GNAL: variants seen among roughly 807,000 people sequenced by gnomAD.
GNAL encodes G protein subunit alpha L.
GNAL carries 18 observed loss-of-function variants against 55.1 expected under a neutral mutation model. The observed-to-expected ratio is 0.33, with a 90% CI of 0.23 to 0.48. The LOEUF (loss-of-function observed/expected upper bound fraction) is 0.48, where lower values mean the gene tolerates loss of function less well. Among genes scored for constraint, GNAL ranks in the 20% least tolerant of loss-of-function variants. The probability of loss-of-function intolerance (pLI) is 0.99; values close to 1 mark genes in which losing one functional copy is unlikely to be tolerated. For synonymous variants in GNAL, 253 were observed against 237.0 expected (o/e 1.07, Z -0.62); for missense variants, 412 against 614.1 (o/e 0.67, Z 3.48).
chr18:11,783,702 C>T (rs1292393667), intron 4 of GNAL, among the ~76,000 whole-genome samples: 1 of 152,148 alleles, frequency 6.6e-6, no homozygotes, highest in South Asian at 2.1e-4. Context: ...TATTTTAACG[C>T]TATACAAATA....
In GNAL at chr18:11,774,641, T is replaced by G. The variant is rs190771970; in HGVS notation, c.624+20696T>G. The stretch of plus-strand genomic sequence containing the variant: ...CAGAAGCCCAGAGAACATAATTGAC[T>G]TGCCCCGAGTCATAGAGCTGGGTAG... On this transcript the variant is annotated intron_variant, in intron 4 of 11. Transcript: ENST00000334049. 2.0e-5 allele frequency among the ~76,000 whole-genome samples: 3 copies of G among 152,286 alleles called. No individual in the cohort carries two copies. In the East Asian group the frequency reaches 5.8e-4, roughly 29 times the overall value.
chr18:11,711,208 G>A (rs563956868), intron 1 of GNAL, among the ~76,000 whole-genome samples: 23 of 152,168 alleles, frequency 1.5e-4, no homozygotes, highest in Admixed American at 9.8e-4. Flanking sequence ...TATCCTGTTC[G>A]TGATTCATTG....
At chr18:11,797,212 G>A (rs1418624719) in intron 4 of GNAL, among the ~76,000 whole-genome samples, 2 of 152,172 alleles carry the variant, frequency 1.3e-5, no homozygotes, top group African/African-American at 2.4e-5. Context: ...GATTACAGGC[G>A]TGAGCCACCG....
chr18:11,831,353 A>G (rs796657963), intron 5 of GNAL, among the ~76,000 whole-genome samples: 5 of 152,108 alleles, frequency 3.3e-5, no homozygotes, highest in African/African-American at 1.2e-4. Context: ...AGGTCAGAAT[A>G]TGTGTTTATA....
At chr18:11,694,748 A>C (rs2143290749) in intron 1 of GNAL, among the ~76,000 whole-genome samples, 1 of 152,298 alleles carries the variant, frequency 6.6e-6, no homozygotes, top group South Asian at 2.1e-4. Flanking sequence ...ACCTACCAAA[A>C]CACAACAGGC....
chr18:11,738,862 G>A (rs2032513775), intron 1 of GNAL, among the ~76,000 whole-genome samples: 1 of 152,186 alleles, frequency 6.6e-6, no homozygotes, highest in South Asian at 2.1e-4. Flanking sequence ...AGGATGAGGA[G>A]GATGTGCAGG....
chr18:11,780,347 A>G (rs758377665), intron 4 of GNAL, among the ~76,000 whole-genome samples: 1 of 151,634 alleles, frequency 6.6e-6, no homozygotes, highest in East Asian at 1.9e-4. Context: ...GCAAATATCC[A>G]AGTTTGTTTT....
At chr18:11,700,031 T>C (rs1220161919) in intron 1 of GNAL, among the ~76,000 whole-genome samples, 4 of 152,212 alleles carry the variant, frequency 2.6e-5, no homozygotes, top group Non-Finnish European at 5.9e-5. Flanking sequence ...CTTCTTGTTT[T>C]AGTCACTTAC....
At chr18:11,846,233 C>G (rs73944920) in intron 5 of GNAL, among the ~76,000 whole-genome samples, 1 of 151,758 alleles carries the variant, frequency 6.6e-6, no homozygotes, top group Non-Finnish European at 1.5e-5. Context: ...ATGCCAACTT[C>G]GACTAACATG....
chr18:11,884,705 A>T lies in GNAL; in HGVS notation c.*3570A>T. On this transcript the variant is annotated 3_prime_UTR_variant, in exon 12 of 12. Coordinates refer to ENST00000334049, the MANE Select transcript of GNAL (RefSeq NM_182978.4). The stretch of plus-strand genomic sequence containing the variant: ...CCGCAGTCTTAGAAACAGCAGAGGG[A>T]AGACTGCCTTCTCAGGTCCCCCTCA... The T allele has an allele frequency of 2.7e-6, 4 of 1,474,616 alleles. No homozygotes were observed. The highest frequency in any genetic ancestry group is 3.7e-6 in the Non-Finnish European group (4 of 1,071,822). The allele number at this position is 1,474,616 out of a possible 1,614,324, so 91.3% of individuals were successfully genotyped here. A position where few individuals can be genotyped will look rare whatever the true frequency, so the allele number is the denominator to read the frequency against.
chr18:11,866,253 A>G (rs976627040), intron 7 of GNAL, among the ~76,000 whole-genome samples: 1 of 150,358 alleles, frequency 6.7e-6, no homozygotes, highest in Admixed American at 6.6e-5. Context: ...ATTTTCATCA[A>G]GTATCTCAGC....
intron 4 of GNAL, among the ~76,000 whole-genome samples, chr18:11,817,672 C>G (rs1281575420): frequency 6.6e-6 from 1 of 152,060 alleles, no homozygotes; most frequent in Non-Finnish European, 1.5e-5. Context: ...TCACTGCAAC[C>G]TCCACCTCCC....
chr18:11,865,096 C>T (rs1048748864), intron 7 of GNAL, among the ~76,000 whole-genome samples: 3 of 150,790 alleles, frequency 2.0e-5, no homozygotes, highest in Non-Finnish European at 2.9e-5. Context: ...TCACTTCCCC[C>T]GCCCCTAGAC....
At chr18:11,846,464 T>TATATACACAC (rs1555613166) in intron 5 of GNAL, among the ~76,000 whole-genome samples, 10 of 140,096 alleles carry the variant, frequency 7.1e-5, no homozygotes, top group South Asian at 6.8e-4. Context: ...TATATAAATA[T>TATATACACAC]ACACACACAC....
chr18:11,813,234 G>A lies in GNAL; in HGVS notation c.625-11684G>A, dbSNP rs151260704. On this transcript the variant is annotated intron_variant, in intron 4 of 11. Coordinates refer to ENST00000334049, the MANE Select transcript of GNAL (RefSeq NM_182978.4). ...CGCTCTATTGCACTCCAGCTCTGGC[G>A]ACAGGGTGAGACTCCATCTTAAAAA... 3.8e-3 allele frequency among the ~76,000 whole-genome samples: 546 copies of A among 142,082 alleles called. 3 individuals are homozygous for A. The highest frequency in any genetic ancestry group is 0.016 in the Middle Eastern group (4 of 254). The allele number at this position is 142,082 out of a possible 152,430, so 93.2% of individuals were successfully genotyped here. A position where few individuals can be genotyped will look rare whatever the true frequency, so the allele number is the denominator to read the frequency against.
At chr18:11,824,832 A>G (rs1420799196) in intron 4 of GNAL, 86 bp from the exon 5 acceptor site, 7 of 714,590 alleles carry the variant, frequency 9.8e-6, no homozygotes, top group South Asian at 1.8e-5. Flanking sequence ...TGCAAAAAAC[A>G]GTTTTTGCAG....
At position 11,770,432 on chromosome 18, in the gene GNAL, A is replaced by G. The variant is rs117454335; in HGVS notation, c.624+16487A>G. Among the ~76,000 whole-genome samples the G allele has an allele frequency of 2.2e-4, 34 of 152,318 alleles. No homozygotes were observed. The East Asian group carries it at 6.2e-3, about 28-fold the overall frequency. On this transcript the variant is annotated intron_variant, in intron 4 of 11. Coordinates refer to ENST00000334049, the MANE Select transcript of GNAL (RefSeq NM_182978.4). The stretch of plus-strand genomic sequence containing the variant: ...ATATTTTCTCTTAATTTTCCTCCCT[A>G]CTGCCACCACCCATGTGAGAATCAT...
chr18:11,793,691 T>C (rs56861220), intron 4 of GNAL, among the ~76,000 whole-genome samples: 12,033 of 150,390 alleles, frequency 0.08, 900 homozygotes, highest in African/African-American at 0.19. Flanking sequence ...TTTGGGAGGC[T>C]GAGTCAGGCA....
intron 4 of GNAL, among the ~76,000 whole-genome samples, chr18:11,760,742 G>T (rs547006125): frequency 1.6e-4 from 24 of 152,242 alleles, no homozygotes; most frequent in African/African-American, 5.3e-4. Context: ...ACACCCCCAG[G>T]CCTGGGATTC....
Sources: gnomAD v4.1 joint callset for allele counts (sites outside exome capture counted in the v4.1 genomes callset) on GRCh38, gnomAD v4.1.1 for gene constraint, MANE v1.5 for transcripts, NCBI Gene and HGNC (gene_info 2026-07-23, HGNC 2026-07-21) for gene names.